The following GCSAML variants were observed in gnomAD, a reference collection of about 807,000 sequenced individuals.
GCSAML encodes germinal center-associated signaling and motility-like protein.
In GCSAML, 9 loss-of-function variants were observed where a neutral mutation model predicts 13.0. The ratio of observed to expected loss-of-function variants is 0.69; its 90% CI spans 0.42 to 1.21. The LOEUF (loss-of-function observed/expected upper bound fraction) is 1.21, where lower values mean the gene tolerates loss of function less well. GCSAML is among the 50% of genes most tolerant of loss of function. GCSAML has a pLI of 0.00. For missense variants in GCSAML, 143 were observed against 153.4 expected, an observed-to-expected ratio of 0.93 and a Z score of 0.36; for synonymous variants, 37 against 52.9, an observed-to-expected ratio of 0.70 and a Z score of 1.31.
chr1:247,568,052 T>G (rs529824113), intron 4 of GCSAML, among the ~76,000 whole-genome samples: 1 of 152,308 alleles, frequency 6.6e-6, no homozygotes, highest in East Asian at 1.9e-4. Flanking sequence ...TTGTTTAAGT[T>G]CTTTGTAGAT....
rs1486367306 is a variant in GCSAML, at chr1:247,577,231, C to T, written c.*2849C>T. 6.6e-6 allele frequency: 1 copy of T among 152,072 alleles called. No individual in the cohort carries two copies. Among genetic ancestry groups the T allele is most frequent in the African/African-American group, 2.4e-5 (1 of 41,392 alleles). The allele number at this position is 152,072 out of a possible 1,614,324, so 9.4% of individuals were successfully genotyped here. On this transcript the variant is annotated 3_prime_UTR_variant, in exon 5 of 5. Transcript: ENST00000366488. ...TTGTTTATATTTTTAATCAGTTTTA[C>T]TCAAGTGTGATTATATACAAGAAAA... is the stretch of plus-strand genomic sequence containing the variant.
chr1:247,549,344 C>T (rs906177157), intron 1 of GCSAML, 124 bp downstream of exon 1: 28 of 777,382 alleles, frequency 3.6e-5, no homozygotes, highest in Non-Finnish European at 5.6e-5. Context: ...CTGAAGACAG[C>T]ATCCTCTAGG....
At chr1:247,572,961 T>C (rs1487902355) in intron 4 of GCSAML, among the ~76,000 whole-genome samples, 1 of 152,144 alleles carries the variant, frequency 6.6e-6, no homozygotes, top group Admixed American at 6.5e-5. Context: ...TGCGGCTTTG[T>C]TTACACTGTG....
chr1:247,516,083 T>C (rs920773035), intron 1 of GCSAML, among the ~76,000 whole-genome samples: 33 of 152,084 alleles, frequency 2.2e-4, no homozygotes, highest in Middle Eastern at 3.2e-3. Context: ...CAATGAGTGA[T>C]AGATGATGCA....
chr1:247,513,684 G>A (rs1349543160), intron 1 of GCSAML, among the ~76,000 whole-genome samples: 2 of 152,194 alleles, frequency 1.3e-5, no homozygotes, highest in East Asian at 3.9e-4. Context: ...AGAGATGGTG[G>A]GAAAATCATA....
intron 1 of GCSAML, among the ~76,000 whole-genome samples, chr1:247,549,818 T>G (rs1280804277): frequency 1.3e-5 from 2 of 152,224 alleles, no homozygotes; most frequent in Non-Finnish European, 2.9e-5. Flanking sequence ...CAATACTTCA[T>G]AATTTATAGA....
At chr1:247,510,260 T>C (rs528320817) in intron 1 of GCSAML, among the ~76,000 whole-genome samples, 2 of 152,326 alleles carry the variant, frequency 1.3e-5, no homozygotes, top group East Asian at 3.9e-4. Flanking sequence ...AATTTAACCA[T>C]TTCTTCTAGA....
intron 2 of GCSAML, chr1:247,532,048 G>C: frequency 4.3e-6 from 7 of 1,614,102 alleles, no homozygotes; most frequent in Non-Finnish European, 5.9e-6. Flanking sequence ...CATGCTGGTG[G>C]TCAGACCCCC....
At chr1:247,514,625 C>A (rs892646085) in intron 1 of GCSAML, among the ~76,000 whole-genome samples, 1 of 152,126 alleles carries the variant, frequency 6.6e-6, no homozygotes, top group African/African-American at 2.4e-5. Context: ...AGTCTTTGAT[C>A]CATCTTGAGT....
chr1:247,529,554 A>G (rs551832392), intron 2 of GCSAML: 3 of 152,316 alleles, frequency 2.0e-5, no homozygotes, highest in African/African-American at 2.4e-5. Flanking sequence ...CCAACAAGAC[A>G]TGAGAGTGTC....
At chr1:247,569,997 A>C (rs1450755624) in intron 4 of GCSAML, among the ~76,000 whole-genome samples, 1 of 151,922 alleles carries the variant, frequency 6.6e-6, no homozygotes, top group Admixed American at 6.6e-5. Flanking sequence ...TTTGTGTAGA[A>C]ATGTTTATAG....
At chr1:247,529,267 A>G (rs1666809544) in intron 2 of GCSAML, 4 of 152,356 alleles carry the variant, frequency 2.6e-5, no homozygotes, top group East Asian at 3.9e-4. Flanking sequence ...ATCCCCTGCA[A>G]TATCACCTGT....
At chr1:247,561,146 G>T (rs969689556) in intron 2 of GCSAML, among the ~76,000 whole-genome samples, 2 of 151,882 alleles carry the variant, frequency 1.3e-5, no homozygotes, top group African/African-American at 2.4e-5. Context: ...TACAGACAGG[G>T]TTTTGCCATG....
At chr1:247,513,138 C>G (rs1396889098) in intron 1 of GCSAML, among the ~76,000 whole-genome samples, 1 of 152,194 alleles carries the variant, frequency 6.6e-6, no homozygotes, top group African/African-American at 2.4e-5. Context: ...TGCTCTGTCC[C>G]AGGGAGAAGG....
intron 2 of GCSAML, among the ~76,000 whole-genome samples, chr1:247,560,169 G>A (rs1003905375): frequency 6.6e-6 from 1 of 152,164 alleles, no homozygotes; most frequent in African/African-American, 2.4e-5. Context: ...ACTTAGATAG[G>A]TTTGGATTTT....
At position 247,574,144 on chromosome 1, in the gene GCSAML, A is replaced by G. The variant is rs1236468268; in HGVS notation, c.170A>G (p.Glu57Gly). 1.9e-6 allele frequency: 3 copies of G among 1,613,780 alleles called. No individual in the cohort carries two copies. In the Admixed American group the frequency reaches 5.0e-5, roughly 27 times the overall value. ...TTCTTTTCTCTTTGTGCTTGGCAGG[A>G]AAACGAGAATGGCAGTGGTTCTGAA... ...SQEVSSTSNQ[E>G]NENGSGSEEV... The change falls in exon 5 of 5, where the codon GAA (glutamate) becomes GGA (glycine). Residue 57 changes from glutamate to glycine, a missense_variant and splice_region_variant. Physicochemically the swap from Glu to Gly is moderately conservative, Grantham distance 98. Coordinates refer to ENST00000366488, the MANE Select transcript of GCSAML (RefSeq NM_145278.5).
Position 247,574,375 on chromosome 1 carries a change from C to T in GCSAML, c.401C>T (p.Pro134Leu). The change falls in exon 5 of 5, where the codon CCA becomes CTA. Residue 134 changes from proline to leucine, a missense_variant. By Grantham distance (98) the Pro-to-Leu change is moderately conservative (BLOSUM62 -3). Coordinates refer to ENST00000366488, the MANE Select transcript of GCSAML (RefSeq NM_145278.5). ...THEHDYEVVF[P>L]H is the part of the protein sequence containing the mutation. ...GAGCATGATTATGAAGTTGTGTTTC[C>T]ACACTAAAATCCTCAAGCTGCTTTA... 1.2e-6 allele frequency: 2 copies of T among 1,613,908 alleles called. No homozygotes were observed. The highest frequency in any genetic ancestry group is 1.7e-6 in the Non-Finnish European group (2 of 1,179,912).
At chr1:247,560,650 G>A (rs1230093734) in intron 2 of GCSAML, among the ~76,000 whole-genome samples, 2 of 151,814 alleles carry the variant, frequency 1.3e-5, no homozygotes, top group African/African-American at 2.4e-5. Flanking sequence ...ACATATTGAA[G>A]GTACACAATA....
intron 1 of GCSAML, among the ~76,000 whole-genome samples, chr1:247,549,905 C>G (rs1667708117): frequency 6.6e-6 from 1 of 152,220 alleles, no homozygotes; most frequent in Non-Finnish European, 1.5e-5. Context: ...CATCCCACTC[C>G]TCTGTCCGCT....
Sources: gnomAD v4.1 joint callset for allele counts (sites outside exome capture counted in the v4.1 genomes callset) on GRCh38, gnomAD v4.1.1 for gene constraint, MANE v1.5 for transcripts, NCBI Gene and HGNC (gene_info 2026-07-23, HGNC 2026-07-21) for gene names.